ANO2: variants seen among roughly 807,000 people sequenced by gnomAD.
The protein encoded by ANO2 is anoctamin-2.
Under a neutral mutation model 124.2 loss-of-function variants are expected in ANO2, and 101 were observed. The ratio of observed to expected loss-of-function variants is 0.81; its 90% CI spans 0.69 to 0.96. The LOEUF (loss-of-function observed/expected upper bound fraction) is 0.96. Among genes scored for constraint, ANO2 ranks in the 40% least tolerant of loss-of-function variants. The pLI, the probability that ANO2 is intolerant of heterozygous loss-of-function variation, is 0.00. For missense variants in ANO2, 1,293 were observed against 1,274.5 expected (o/e 1.01, Z -0.22); for synonymous variants, 486 against 482.5 (o/e 1.01, Z -0.09).
At chr12:5,655,113 T>C (rs572416811) in intron 14 of ANO2, among the ~76,000 whole-genome samples, 37 of 152,248 alleles carry the variant, frequency 2.4e-4, no homozygotes, top group Non-Finnish European at 4.0e-4. Flanking sequence ...TTTCTCCCAC[T>C]CATTACATAA....
In ANO2 at chr12:5,923,078, A is replaced by ACACG. The variant is rs1555184515; in HGVS notation, c.23-275_23-274insCGTG. ...CACCCACATACACACACACATGCAC[A>ACACG]CATACACACACACACGCACACACAT... On this transcript the variant is annotated intron_variant, in intron 1 of 24. Coordinates refer to ENST00000682330, the MANE Select transcript of ANO2 (RefSeq NM_001364791.2). Among the ~76,000 whole-genome samples, 53 of 22,246 alleles carry ACACG rather than the reference A, an allele frequency of 2.4e-3. 1 individual carries two copies. The highest frequency in any genetic ancestry group is 9.8e-3 in the East Asian group (1 of 102). The allele number at this position is 22,246 out of a possible 152,430, so 14.6% of individuals were successfully genotyped here.
intron 14 of ANO2, among the ~76,000 whole-genome samples, chr12:5,690,875 T>C (rs1377180297): frequency 6.6e-6 from 1 of 152,184 alleles, no homozygotes; most frequent in Non-Finnish European, 1.5e-5. Context: ...ACGCCTAAAA[T>C]AATTTTTCAA....
intron 14 of ANO2, among the ~76,000 whole-genome samples, chr12:5,694,188 C>T (rs555095704): frequency 4.6e-5 from 7 of 151,178 alleles, no homozygotes; most frequent in South Asian, 4.2e-4. Flanking sequence ...CACCAACCTG[C>T]GCCAGTCCCC....
At chr12:5,902,572 G>A (rs1591765812) in intron 3 of ANO2, among the ~76,000 whole-genome samples, 1 of 104,844 alleles carries the variant, frequency 9.5e-6, no homozygotes, top group Non-Finnish European at 1.9e-5. Flanking sequence ...CTGGCCAACA[G>A]AACAAGACTC....
intron 14 of ANO2, among the ~76,000 whole-genome samples, chr12:5,651,464 A>G (rs2136960463): frequency 6.6e-6 from 1 of 151,686 alleles, no homozygotes; most frequent in East Asian, 1.9e-4. Context: ...TCTGCCACCC[A>G]GGCTGGAGTG....
At chr12:5,802,417 G>A (rs985439440) in intron 9 of ANO2, among the ~76,000 whole-genome samples, 2 of 152,248 alleles carry the variant, frequency 1.3e-5, no homozygotes, top group Non-Finnish European at 2.9e-5. Flanking sequence ...AGGCGGTGCA[G>A]CAATTACGCC....
At chr12:5,701,997 A>C (rs767530990) in intron 14 of ANO2, among the ~76,000 whole-genome samples, 3 of 152,242 alleles carry the variant, frequency 2.0e-5, no homozygotes, top group Non-Finnish European at 4.4e-5. Flanking sequence ...TTCCAACCGA[A>C]TTAAAATATT....
chr12:5,610,819 TACACAC>T (rs766401385), intron 19 of ANO2, among the ~76,000 whole-genome samples: 58 of 110,824 alleles, frequency 5.2e-4, no homozygotes, highest in East Asian at 7.5e-4. Flanking sequence ...GAGTTGTCCA[TACACAC>T]ACACACACAC....
chr12:5,751,115 G>A, intron 10 of ANO2, 145 bp from the exon 11 acceptor site: 1 of 743,922 alleles, frequency 1.3e-6, no homozygotes, highest in Non-Finnish European at 2.1e-6. Flanking sequence ...GTTGCACGGG[G>A]AAGGGGAGGC....
chr12:5,657,914 C>A (rs1947241365), intron 14 of ANO2, among the ~76,000 whole-genome samples: 1 of 152,200 alleles, frequency 6.6e-6, no homozygotes, highest in Non-Finnish European at 1.5e-5. Flanking sequence ...GATCTCCTGG[C>A]TTGTGACTTC....
At chr12:5,649,678 C>G (rs565726014) in intron 14 of ANO2, among the ~76,000 whole-genome samples, 1 of 152,166 alleles carries the variant, frequency 6.6e-6, no homozygotes, top group Non-Finnish European at 1.5e-5. Context: ...GATCTTGGCT[C>G]ACTGCAACCT....
intron 14 of ANO2, among the ~76,000 whole-genome samples, chr12:5,656,113 T>C (rs1233046119): frequency 6.6e-6 from 1 of 152,180 alleles, no homozygotes; most frequent in Non-Finnish European, 1.5e-5. Flanking sequence ...AGAGCAGCTA[T>C]AGTTTGCTTT....
chr12:5,846,099 CCTT>C (rs1417596243), intron 4 of ANO2, among the ~76,000 whole-genome samples: 2 of 152,174 alleles, frequency 1.3e-5, no homozygotes, highest in Admixed American at 1.3e-4. Flanking sequence ...ATGCTAATAT[CCTT>C]CTTTGCAGAC....
intron 3 of ANO2, among the ~76,000 whole-genome samples, chr12:5,917,343 A>G (rs1941438429): frequency 8.8e-6 from 1 of 113,818 alleles, no homozygotes; most frequent in Admixed American, 1.1e-4. Context: ...TGTCCCCAAT[A>G]TTTCATTGTA....
At chr12:5,641,621 G>C (rs1348430941) in intron 15 of ANO2, among the ~76,000 whole-genome samples, 1 of 152,168 alleles carries the variant, frequency 6.6e-6, no homozygotes, top group Admixed American at 6.5e-5. Context: ...TGTAAAGGGG[G>C]CTCTCCCCAT....
chr12:5,582,770 T>A (rs1942821105), intron 20 of ANO2, among the ~76,000 whole-genome samples: 1 of 152,216 alleles, frequency 6.6e-6, no homozygotes, highest in African/African-American at 2.4e-5. Context: ...GATTTCTACA[T>A]TTCTGAGCCT....
In ANO2 at chr12:5,826,241, C is replaced by T. The variant is rs150475901; in HGVS notation, c.892+1528G>A. Among the ~76,000 whole-genome samples the T allele has an allele frequency of 7.2e-3, 1,087 of 151,994 alleles. 4 individuals carry two copies. The highest frequency in any genetic ancestry group is 0.012 in the Non-Finnish European group (838 of 67,980). ...AGGTGTAATTATGACCTTATTATTG[C>T]TTTTATTTGAAGATTATGTATGATC... On this transcript the variant is annotated intron_variant, in intron 7 of 24. Transcript: ENST00000682330.
At chr12:5,633,674 G>A (rs567309121) in intron 16 of ANO2, among the ~76,000 whole-genome samples, 15 of 152,048 alleles carry the variant, frequency 9.9e-5, no homozygotes, top group Non-Finnish European at 1.6e-4. Context: ...GTAGAGCCCC[G>A]GCACCGGGCT....
intron 14 of ANO2, among the ~76,000 whole-genome samples, chr12:5,697,017 A>G (rs1710041286): frequency 1.3e-5 from 2 of 152,264 alleles, no homozygotes; most frequent in Admixed American, 1.3e-4. Context: ...CCAGTAAAAT[A>G]CTAAAAGCAG....
Sources: allele counts gnomAD v4.1 joint callset (sites outside exome capture counted in the v4.1 genomes callset), GRCh38; gene constraint gnomAD v4.1.1; transcripts MANE v1.5; gene names NCBI Gene and HGNC (gene_info 2026-07-23, HGNC 2026-07-21).